Variants in NOMO3 observed in about 807,000 individuals in gnomAD.
NOMO3 encodes the protein BOS complex subunit NOMO3.
Under a neutral mutation model 69.9 loss-of-function variants are expected in NOMO3, and 15 were observed. The observed-to-expected ratio is 0.21, with a 90% CI of 0.14 to 0.33. The LOEUF is 0.33. NOMO3 is among the 10% of genes least tolerant of loss of function. The pLI is 1.00. For synonymous variants in NOMO3, 89 were observed against 301.9 expected, an observed-to-expected ratio of 0.29 and a Z score of 7.31; for missense variants, 218 against 761.0, an observed-to-expected ratio of 0.29 and a Z score of 8.39.
rs1227770927 is a variant in NOMO3 at position 16,255,933 on chromosome 16, A to T, written c.1070-75A>T. ...ATGAGAACATGGCAGCTTTTGGTCC[A>T]AGTATTCTGGTGTACATGTAAGGAT... On this transcript the variant is annotated intron_variant, in intron 10 of 30. Coordinates refer to ENST00000399336, the MANE Select transcript of NOMO3 (RefSeq NM_001004067.4). 6 of 1,539,940 alleles carry T rather than the reference A, an allele frequency of 3.9e-6. 1 individual carries two copies. Among genetic ancestry groups the T allele is most frequent in the Non-Finnish European group, 5.2e-6 (6 of 1,150,358 alleles).
chr16:16,255,656 A>T (rs1217993696), intron 9 of NOMO3, 64 bp from the exon 10 acceptor site: 1 of 1,531,190 alleles, frequency 6.5e-7, no homozygotes, highest in Non-Finnish European at 8.8e-7. Context: ...GGCGCAGCAG[A>T]AGGAGGCTTT....
At position 16,269,107 on chromosome 16, in the gene NOMO3, C is replaced by A. The variant is rs562628875; in HGVS notation, c.1895-1014C>A. Reference sequence around the variant, plus strand: ...TGTTCTCTGTGGACATCTCCTCCTGCCCCTCCTAGCTGGGGCCTTCTTACC... The same window carrying A: ...TGTTCTCTGTGGACATCTCCTCCTGACCCTCCTAGCTGGGGCCTTCTTACC... On this transcript the variant is annotated intron_variant, in intron 16 of 30. Coordinates refer to ENST00000399336, the MANE Select transcript of NOMO3 (RefSeq NM_001004067.4). Among the ~76,000 whole-genome samples, 15 of 143,916 alleles carry A rather than the reference C, an allele frequency of 1.0e-4. 3 individuals carry two copies. In the East Asian group the frequency reaches 3.0e-3, roughly 28 times the overall value. 94.4% of individuals were successfully genotyped at this position (143,916 alleles called of 152,430 possible). A position where few individuals can be genotyped will look rare whatever the true frequency, so the allele number is the denominator to read the frequency against.
At chr16:16,234,118 C>T (rs987219078) in intron 1 of NOMO3, among the ~76,000 whole-genome samples, 1 of 152,016 alleles carries the variant, frequency 6.6e-6, no homozygotes. Flanking sequence ...ATGAATCTAC[C>T]CACTGGCAGC....
Position 16,232,845 on chromosome 16 carries a change from C to T in NOMO3, c.165+14C>T. On this transcript the variant is annotated intron_variant, in intron 1 of 30. Transcript: ENST00000399336. ...TCTCTCATCGAGGTGAGCGCCCGCC[C>T]CGCCGCCCGGCGCCGAGTCGCCGGG... 5 of 341,602 alleles carry T rather than the reference C, an allele frequency of 1.5e-5. No homozygotes were observed. The highest frequency in any genetic ancestry group is 2.1e-5 in the Non-Finnish European group (5 of 236,340). The allele number at this position is 341,602 out of a possible 1,614,324, so 21.2% of individuals were successfully genotyped here. A position where few individuals can be genotyped will look rare whatever the true frequency, so the allele number is the denominator to read the frequency against.
At chr16:16,270,363 G>T in intron 17 of NOMO3, among the ~76,000 whole-genome samples, 179 bp downstream of exon 17, 1 of 119,556 alleles carries the variant, frequency 8.4e-6, no homozygotes, top group Non-Finnish European at 1.6e-5. Context: ...TGAGGAACCG[G>T]AGACAGGATC....
chr16:16,244,297 C>CT (rs1014054875), intron 4 of NOMO3, among the ~76,000 whole-genome samples: 3 of 140,436 alleles, frequency 2.1e-5, no homozygotes, highest in African/African-American at 8.8e-5. Context: ...AATGGTGAAC[C>CT]TTTTTTTATT....
intron 16 of NOMO3, chr16:16,267,335 A>G: frequency 3.6e-6 from 2 of 560,916 alleles, no homozygotes; most frequent in Non-Finnish European, 3.1e-6. Context: ...AAAATATACC[A>G]TTGGCCAATG....
intron 4 of NOMO3, 143 bp from the exon 5 acceptor site, chr16:16,244,925 C>T (rs1317201197): frequency 3.1e-6 from 1 of 327,444 alleles, no homozygotes. Flanking sequence ...GGAAACATAT[C>T]CATGATTTAT....
intron 11 of NOMO3, among the ~76,000 whole-genome samples, chr16:16,257,552 T>C (rs1262668963): frequency 7.2e-6 from 1 of 138,318 alleles, no homozygotes; most frequent in Non-Finnish European, 1.5e-5. Context: ...CCTGAAGATT[T>C]GGCCGCAGGT....
chr16:16,263,298 G>C, intron 13 of NOMO3, 83 bp downstream of exon 13: 1 of 1,593,992 alleles, frequency 6.3e-7, no homozygotes, highest in Admixed American at 1.7e-5. Flanking sequence ...TTTTTGTTTT[G>C]CCTTTGTTGT....
intron 15 of NOMO3, among the ~76,000 whole-genome samples, chr16:16,265,670 A>ATAT (rs1237877207): frequency 1.5e-3 from 25 of 16,690 alleles, no homozygotes; most frequent in East Asian, 3.9e-3. Context: ...ATATATATAT[A>ATAT]TTTTTTTTTT....
At position 16,267,681 on chromosome 16, in the gene NOMO3, G is replaced by A. The variant is rs1295012510; in HGVS notation, c.1894+550G>A. ...ACTCCTGACCTAAAGTGATCCGCCC[G>A]CCTCAGCCTCCCAAAGTGCTGGGAT... is the stretch of plus-strand genomic sequence containing the variant. On this transcript the variant is annotated intron_variant, in intron 16 of 30. Coordinates refer to ENST00000399336, the MANE Select transcript of NOMO3 (RefSeq NM_001004067.4). Among the ~76,000 whole-genome samples, 86 of 142,474 alleles carry A rather than the reference G, an allele frequency of 6.0e-4. 13 individuals carry two copies. The highest frequency in any genetic ancestry group is 2.1e-3 in the African/African-American group (73 of 34,316). The allele number at this position is 142,474 out of a possible 152,430, so 93.5% of individuals were successfully genotyped here.
intron 13 of NOMO3, 133 bp from the exon 14 acceptor site, chr16:16,263,380 G>T: frequency 2.6e-6 from 4 of 1,563,932 alleles, no homozygotes; most frequent in South Asian, 1.2e-5. Context: ...TGAAAGAAGC[G>T]CTCCGTCTGC....
At chr16:16,265,668 ATATTTTTTTTTTT>A (rs1247586870) in intron 15 of NOMO3, among the ~76,000 whole-genome samples, 18 of 24,888 alleles carry the variant, frequency 7.2e-4, no homozygotes, top group Non-Finnish European at 6.8e-4. Flanking sequence ...ATATATATAT[ATATTTTTTTTTTT>A]TTTTTTTTTT....
rs183635065 is a variant in NOMO3, at chr16:16,249,788, G to C, written c.583-1140G>C. ...GGGGTGTTAGTGACCGGAAGCAAGT[G>C]TGAGGGCACTTCTGGCTTGCTGGTG... On this transcript the variant is annotated intron_variant, in intron 6 of 30. Coordinates refer to ENST00000399336, the MANE Select transcript of NOMO3 (RefSeq NM_001004067.4). 8.8e-4 allele frequency among the ~76,000 whole-genome samples: 126 copies of C among 143,822 alleles called. 8 individuals carry two copies. The highest frequency in any genetic ancestry group is 5.1e-3 in the Admixed American group (76 of 14,788). 94.4% of individuals were successfully genotyped at this position (143,822 alleles called of 152,430 possible).
At chr16:16,239,077 CAA>C (rs1262740718) in intron 2 of NOMO3, among the ~76,000 whole-genome samples, 1 of 119,190 alleles carries the variant, frequency 8.4e-6, no homozygotes. Context: ...GGCTCCATCT[CAA>C]AAAAAAAAAA....
chr16:16,256,417 A>G (rs1009198403), intron 11 of NOMO3, among the ~76,000 whole-genome samples: 1 of 93,610 alleles, frequency 1.1e-5, no homozygotes, highest in Non-Finnish European at 1.9e-5. Flanking sequence ...CTGGGACTAC[A>G]GGCGTGCCCC....
chr16:16,241,005 C>T (rs1482579224), intron 3 of NOMO3, among the ~76,000 whole-genome samples: 1 of 144,198 alleles, frequency 6.9e-6, no homozygotes, highest in Non-Finnish European at 1.5e-5. Flanking sequence ...ACCCCCCACC[C>T]TACCCCCAAC....
Position 16,266,039 on chromosome 16 carries a change from A to G in NOMO3, c.1806+860A>G, listed in dbSNP as rs922549683. Among the ~76,000 whole-genome samples, 50 of 144,240 alleles carry G rather than the reference A, an allele frequency of 3.5e-4. 6 individuals carry two copies. Among genetic ancestry groups the G allele is most frequent in the African/African-American group, 1.4e-3 (50 of 35,168 alleles). The allele number at this position is 144,240 out of a possible 152,430, so 94.6% of individuals were successfully genotyped here. A position where few individuals can be genotyped will look rare whatever the true frequency, so the allele number is the denominator to read the frequency against. ...CAGTGCAGGGGAAGAAGCTGTAAACAGGATCTTAGCTTCTTGTTGACTGTG... is the reference window on the plus strand; with the variant it reads ...CAGTGCAGGGGAAGAAGCTGTAAACGGGATCTTAGCTTCTTGTTGACTGTG... On this transcript the variant is annotated intron_variant, in intron 15 of 30. Transcript: ENST00000399336.
Sources: gnomAD v4.1 joint callset for allele counts (sites outside exome capture counted in the v4.1 genomes callset) on GRCh38, gnomAD v4.1.1 for gene constraint, MANE v1.5 for transcripts, NCBI Gene and HGNC (gene_info 2026-07-23, HGNC 2026-07-21) for gene names.